The following MEIS1 variants were observed in gnomAD, a reference collection of about 807,000 sequenced individuals.
MEIS1 encodes homeobox protein Meis1.
Under a neutral mutation model 50.8 loss-of-function variants are expected in MEIS1, and 5 were observed. The ratio of observed to expected loss-of-function variants is 0.10; its 90% CI spans 0.05 to 0.21. MEIS1 has a LOEUF of 0.21. Among genes scored for constraint, MEIS1 ranks in the 10% least tolerant of loss-of-function variants. The pLI, the probability that MEIS1 is intolerant of heterozygous loss-of-function variation, is 1.00. For missense variants in MEIS1, 318 were observed against 517.3 expected (o/e 0.61, Z 3.74); for synonymous variants, 176 against 179.3 (o/e 0.98, Z 0.15).
At chr2:66,550,985 A>T (rs1208877964) in intron 9 of MEIS1, among the ~76,000 whole-genome samples, 2 of 152,196 alleles carry the variant, frequency 1.3e-5, no homozygotes, top group Non-Finnish European at 2.9e-5. Context: ...ACTTGTTAAT[A>T]CACATGTACA....
chr2:66,442,630 A>T (rs931941607), intron 5 of MEIS1: 3 of 376,250 alleles, frequency 8.0e-6, no homozygotes, highest in Non-Finnish European at 1.4e-5. Flanking sequence ...TAATGACCAC[A>T]GCCCCAGGAG....
rs982319843 is a variant in MEIS1 at position 66,571,104 on chromosome 2, A to G, written c.*38-142A>G. 4.2e-5 allele frequency: 34 copies of G among 813,676 alleles called. No homozygotes were observed. The Admixed American group carries it at 1.1e-3, about 26-fold the overall frequency. The allele number at this position is 813,676 out of a possible 1,614,324, so 50.4% of individuals were successfully genotyped here. ...TGTTTCTCATTTTATTTTCTTCTGTATGAATCAAAAGAATGCTTTACAAAA... is the reference window on the plus strand; with the variant it reads ...TGTTTCTCATTTTATTTTCTTCTGTGTGAATCAAAAGAATGCTTTACAAAA... On this transcript the variant is annotated intron_variant, in intron 12 of 12. Transcript: ENST00000272369.
intron 8 of MEIS1, among the ~76,000 whole-genome samples, chr2:66,540,141 C>T (rs746691600): frequency 1.4e-4 from 21 of 152,052 alleles, no homozygotes; most frequent in Non-Finnish European, 4.4e-5. Flanking sequence ...CTAAGCACAG[C>T]CCTTACTCAG....
At chr2:66,454,867 G>A (rs1672352567) in intron 6 of MEIS1, 1 of 152,026 alleles carries the variant, frequency 6.6e-6, no homozygotes, top group African/African-American at 2.4e-5. Flanking sequence ...TCAGAGTTCA[G>A]CAGAAAACTC....
chr2:66,555,201 G>A (rs564519834), intron 9 of MEIS1, among the ~76,000 whole-genome samples: 1 of 152,090 alleles, frequency 6.6e-6, no homozygotes, highest in East Asian at 1.9e-4. Context: ...TTCTTTGCAT[G>A]AGTTTTATAG....
At chr2:66,499,664 C>A (rs950005215) in intron 7 of MEIS1, among the ~76,000 whole-genome samples, 1 of 144,544 alleles carries the variant, frequency 6.9e-6, no homozygotes, top group Admixed American at 7.1e-5. Context: ...TCTGTCTAGC[C>A]ACACAGACCA....
At chr2:66,541,111 C>G (rs1465042758) in intron 8 of MEIS1, among the ~76,000 whole-genome samples, 1 of 152,014 alleles carries the variant, frequency 6.6e-6, no homozygotes, top group South Asian at 2.1e-4. Context: ...AATCTCGGCT[C>G]ATTGCAAGCT....
rs745369249 is a variant in MEIS1, at chr2:66,440,057, G to GAACACACACA, written c.381+73_381+74insAACACACACA. On this transcript the variant is annotated intron_variant, in intron 3 of 12. Transcript: ENST00000272369. ...CCCCTTCGCCAACACACACGCGCGC[G>GAACACACACA]CGCGCGCGCGAACACACACACACAC... 2.3e-6 allele frequency: 3 copies of GAACACACACA among 1,297,564 alleles called. No individual in the cohort carries two copies. The African/African-American group carries it at 8.2e-5, about 35-fold the overall frequency. The allele number at this position is 1,297,564 out of a possible 1,614,324, so 80.4% of individuals were successfully genotyped here.
intron 8 of MEIS1, among the ~76,000 whole-genome samples, chr2:66,517,893 AG>A (rs1674008741): frequency 1.3e-5 from 2 of 152,218 alleles, no homozygotes; most frequent in Non-Finnish European, 2.9e-5. Context: ...TTCTTAGGTC[AG>A]GTAAACTGAA....
intron 8 of MEIS1, among the ~76,000 whole-genome samples, chr2:66,537,139 A>G (rs1002354725): frequency 6.6e-6 from 1 of 152,188 alleles, no homozygotes; most frequent in African/African-American, 2.4e-5. Flanking sequence ...TAATGTCCCT[A>G]CAGACTGCTG....
intron 9 of MEIS1, among the ~76,000 whole-genome samples, chr2:66,565,573 A>C (rs1675327417): frequency 6.6e-6 from 1 of 152,184 alleles, no homozygotes; most frequent in South Asian, 2.1e-4. Context: ...GCAAATTATT[A>C]ACATCTCTTT....
chr2:66,499,990 C>A (rs12620754), intron 7 of MEIS1, among the ~76,000 whole-genome samples: 1 of 151,916 alleles, frequency 6.6e-6, no homozygotes, highest in Non-Finnish European at 1.5e-5. Context: ...CTAAAAGGGC[C>A]TTGTGTGCAA....
intron 7 of MEIS1, among the ~76,000 whole-genome samples, chr2:66,467,127 T>A (rs1015976028): frequency 3.3e-5 from 5 of 152,068 alleles, no homozygotes; most frequent in African/African-American, 1.2e-4. Context: ...TAAAATGAAA[T>A]AAGTTATGCA....
At chr2:66,564,275 A>C (rs562869776) in intron 9 of MEIS1, among the ~76,000 whole-genome samples, 29 of 152,302 alleles carry the variant, frequency 1.9e-4, no homozygotes, top group African/African-American at 7.0e-4. Flanking sequence ...GGTAGCTGAC[A>C]TCTGTGTTCT....
rs559892643 is a variant in MEIS1, at chr2:66,516,743, C to T, written c.888+4449C>T. ...ACACTATTAGATGAAAAGTGCCCTG[C>T]GGGTCCGCCACTCTAAGGACGGAGT... On this transcript the variant is annotated intron_variant, in intron 8 of 12. Transcript: ENST00000272369. 3.9e-5 allele frequency among the ~76,000 whole-genome samples: 6 copies of T among 152,148 alleles called. No individual in the cohort carries two copies. The South Asian group carries it at 1.0e-3, about 26-fold the overall frequency.
chr2:66,569,398 A>T, intron 12 of MEIS1: 2 of 242,916 alleles, frequency 8.2e-6, no homozygotes, highest in Non-Finnish European at 7.9e-6. Flanking sequence ...AGAAGCAGTC[A>T]GGAGGTGGGG....
intron 7 of MEIS1, among the ~76,000 whole-genome samples, chr2:66,497,459 T>C (rs578152523): frequency 6.6e-6 from 1 of 152,364 alleles, no homozygotes; most frequent in East Asian, 1.9e-4. Context: ...ACTGTTTCTA[T>C]TATTCTTATT....
intron 8 of MEIS1, among the ~76,000 whole-genome samples, chr2:66,536,771 T>C (rs1674529346): frequency 6.6e-6 from 1 of 152,230 alleles, no homozygotes; most frequent in Non-Finnish European, 1.5e-5. Context: ...ACCAGTTCTT[T>C]TATAATGCAT....
intron 8 of MEIS1, among the ~76,000 whole-genome samples, chr2:66,538,100 A>G (rs190936516): frequency 6.6e-6 from 1 of 152,330 alleles, no homozygotes; most frequent in Admixed American, 6.5e-5. Context: ...GAGAGTAGGA[A>G]GGGAATTTTG....
Sources: allele counts gnomAD v4.1 joint callset (sites outside exome capture counted in the v4.1 genomes callset), GRCh38; gene constraint gnomAD v4.1.1; transcripts MANE v1.5; gene names NCBI Gene and HGNC (gene_info 2026-07-23, HGNC 2026-07-21).